Variants in NRG3 observed in about 807,000 individuals in gnomAD.
NRG3 encodes the protein pro-neuregulin-3, membrane-bound isoform.
A neutral mutation model predicts 66.9 loss-of-function variants in NRG3; 31 were observed. That is an observed-to-expected ratio of 0.46 (90% CI 0.35 to 0.63). The LOEUF is 0.63. NRG3 is among the 20% of genes least tolerant of loss of function. NRG3 has a pLI of 0.00. For missense variants in NRG3, 910 were observed against 878.9 expected (o/e 1.04, Z -0.45); for synonymous variants, 393 against 359.4 (o/e 1.09, Z -1.06).
chr10:81,977,090 T>G (rs1365274767), intron 1 of NRG3, among the ~76,000 whole-genome samples: 1 of 152,220 alleles, frequency 6.6e-6, no homozygotes, highest in Non-Finnish European at 1.5e-5. Context: ...CAGTAATTTT[T>G]GAAATTTCTT....
At chr10:82,782,507 G>C (rs2135288312) in intron 3 of NRG3, among the ~76,000 whole-genome samples, 1 of 152,082 alleles carries the variant, frequency 6.6e-6, no homozygotes, top group East Asian at 1.9e-4. Flanking sequence ...TGTTACCTCA[G>C]CAAAAGACAA....
At chr10:82,209,833 G>A (rs1245898570) in intron 1 of NRG3, among the ~76,000 whole-genome samples, 1 of 152,118 alleles carries the variant, frequency 6.6e-6, no homozygotes, top group Non-Finnish European at 1.5e-5. Context: ...TCACAAGTCT[G>A]TGTAAGCTGC....
chr10:82,533,453 A>AT (rs57767750), intron 2 of NRG3, among the ~76,000 whole-genome samples: 29,116 of 148,926 alleles, frequency 0.2, 2,926 homozygotes, highest in Admixed American at 0.26. Flanking sequence ...ATCCGTTTTG[A>AT]TTTTTTTTTT....
At chr10:81,882,996 C>A (rs1399189849) in intron 1 of NRG3, among the ~76,000 whole-genome samples, 1 of 152,080 alleles carries the variant, frequency 6.6e-6, no homozygotes, top group Non-Finnish European at 1.5e-5. Context: ...GAGTGAGATT[C>A]CTGAATGATC....
At chr10:82,490,786 A>G (rs1162692260) in intron 2 of NRG3, among the ~76,000 whole-genome samples, 1 of 152,142 alleles carries the variant, frequency 6.6e-6, no homozygotes, top group Non-Finnish European at 1.5e-5. Flanking sequence ...AAGAATCTGC[A>G]TCTTTCTCAT....
intron 1 of NRG3, among the ~76,000 whole-genome samples, chr10:82,336,626 G>A (rs1159044360): frequency 4.6e-5 from 7 of 151,010 alleles, no homozygotes; most frequent in Non-Finnish European, 1.0e-4. Flanking sequence ...TGGTTCAAGC[G>A]ATTCTCCTGC....
At chr10:82,321,591 C>G (rs1180501123) in intron 1 of NRG3, among the ~76,000 whole-genome samples, 1 of 152,110 alleles carries the variant, frequency 6.6e-6, no homozygotes, top group African/African-American at 2.4e-5. Flanking sequence ...TAGTGATCCC[C>G]TGGTTTTGGG....
At chr10:82,484,399 T>C (rs77476229) in intron 2 of NRG3, among the ~76,000 whole-genome samples, 4 of 152,174 alleles carry the variant, frequency 2.6e-5, no homozygotes, top group African/African-American at 9.7e-5. Context: ...TGTCCTTGGG[T>C]TTGTTCTGAA....
chr10:82,554,406 G>A (rs894642544), intron 2 of NRG3, among the ~76,000 whole-genome samples: 1 of 152,062 alleles, frequency 6.6e-6, no homozygotes, highest in African/African-American at 2.4e-5. Flanking sequence ...TACATCCAAC[G>A]ATTATGTGTC....
chr10:82,559,274 T>A (rs1000945925), intron 2 of NRG3, among the ~76,000 whole-genome samples: 4 of 152,110 alleles, frequency 2.6e-5, no homozygotes, highest in African/African-American at 9.7e-5. Flanking sequence ...TGAATAAAGA[T>A]GTATTTAGGG....
chr10:82,412,202 A>G (rs1386562711), intron 2 of NRG3, among the ~76,000 whole-genome samples: 1 of 152,170 alleles, frequency 6.6e-6, no homozygotes, highest in Non-Finnish European at 1.5e-5. Context: ...ATGACAGGGA[A>G]TTGTTTTAAT....
intron 2 of NRG3, among the ~76,000 whole-genome samples, chr10:82,466,773 G>A (rs542220564): frequency 1.3e-5 from 2 of 152,156 alleles, no homozygotes; most frequent in South Asian, 2.1e-4. Flanking sequence ...AGATCCTCAG[G>A]TTAAATAAAC....
chr10:82,245,320 T>C (rs1283288589), intron 1 of NRG3, among the ~76,000 whole-genome samples: 1 of 152,038 alleles, frequency 6.6e-6, no homozygotes, highest in Admixed American at 6.6e-5. Flanking sequence ...GGAGCTCAGG[T>C]GGTAATGCAA....
At chr10:82,227,455 A>G (rs1271039572) in intron 1 of NRG3, among the ~76,000 whole-genome samples, 2 of 152,092 alleles carry the variant, frequency 1.3e-5, no homozygotes, top group Non-Finnish European at 2.9e-5. Flanking sequence ...GGTTTGATTA[A>G]GGGAAAAAAC....
chr10:82,064,180 G>C (rs2064316784), intron 1 of NRG3, among the ~76,000 whole-genome samples: 1 of 152,116 alleles, frequency 6.6e-6, no homozygotes. Context: ...TAGACCAAGA[G>C]TCAAAATAAC....
chr10:82,169,168 A>T (rs2072356068), intron 1 of NRG3, among the ~76,000 whole-genome samples: 1 of 152,094 alleles, frequency 6.6e-6, no homozygotes, highest in South Asian at 2.1e-4. Context: ...TCAGCTTCAT[A>T]TTGGTATCTT....
At chr10:82,179,692 C>A (rs964694390) in intron 1 of NRG3, among the ~76,000 whole-genome samples, 3 of 151,776 alleles carry the variant, frequency 2.0e-5, no homozygotes, top group African/African-American at 7.2e-5. Flanking sequence ...CTCTGACATT[C>A]CTCTTCTTTT....
chr10:82,055,039 A>G (rs183652708), intron 1 of NRG3, among the ~76,000 whole-genome samples: 323 of 145,164 alleles, frequency 2.2e-3, no homozygotes, highest in Non-Finnish European at 4.1e-3. Flanking sequence ...GAAAGAAAGA[A>G]AGGAAAGAAG....
At chr10:81,968,813 T>G (rs1457614407) in intron 1 of NRG3, among the ~76,000 whole-genome samples, 1 of 152,188 alleles carries the variant, frequency 6.6e-6, no homozygotes, top group Admixed American at 6.5e-5. Context: ...CTCTCAGGTT[T>G]CTGTTTACCC....
Sources: gnomAD v4.1 joint callset for allele counts (sites outside exome capture counted in the v4.1 genomes callset) on GRCh38, gnomAD v4.1.1 for gene constraint, MANE v1.5 for transcripts, NCBI Gene and HGNC (gene_info 2026-07-23, HGNC 2026-07-21) for gene names.